Variants in TMEM101 observed in about 807,000 individuals in gnomAD.
TMEM101 encodes the protein putative NF-kappa-B-activating protein 130.
Under a neutral mutation model 26.0 loss-of-function variants are expected in TMEM101, and 14 were observed. That is an observed-to-expected ratio of 0.54 (90% CI 0.36 to 0.84). TMEM101 has a LOEUF of 0.84. Among genes scored for constraint, TMEM101 ranks in the 40% least tolerant of loss-of-function variants. TMEM101 has a pLI of 0.01. For synonymous variants in TMEM101, 152 were observed against 145.1 expected (o/e 1.05, Z -0.34); for missense variants, 292 against 345.1 (o/e 0.85, Z 1.22).
chr17:44,016,866 G>A (rs1457147309), upstream of TMEM101, among the ~76,000 whole-genome samples: 1 of 152,190 alleles, frequency 6.6e-6, no homozygotes, highest in Non-Finnish European at 1.5e-5. Context: ...TGGGCGCGGT[G>A]GCTAACGCCT....
chr17:44,017,939 C>G (rs1567948641), upstream of TMEM101, among the ~76,000 whole-genome samples: 1 of 151,880 alleles, frequency 6.6e-6, no homozygotes, highest in African/African-American at 2.4e-5. Flanking sequence ...TCGAGACCAG[C>G]CTGGCCAACA....
Position 44,012,045 on chromosome 17 carries a change from A to T in TMEM101, c.657T>A (p.Asp219Glu). ...VLLPPVMLLIDGNVAYWHNTR... is the reference protein window; with the variant it reads ...VLLPPVMLLIEGNVAYWHNTR... ...TGTTGTGCCAGTAAGCAACATTGCC[A>T]TCAATGAGCAGCATGACAGGGGGCA... Residue 219 changes from aspartate (D) to glutamate (E), a missense_variant, in exon 4 of 4, where the codon GAT becomes GAA. Physicochemically the swap from Asp to Glu is conservative, Grantham distance 45 (BLOSUM62 2). Transcript: ENST00000206380. 1 of 1,614,214 alleles carries T rather than the reference A, an allele frequency of 6.2e-7. No homozygotes were observed. Among genetic ancestry groups the T allele is most frequent in the Non-Finnish European group, 8.5e-7 (1 of 1,180,042 alleles).
chr17:44,012,272 G>A, intron 3 of TMEM101, 36 bp from the exon 4 acceptor site: 4 of 1,565,750 alleles, frequency 2.6e-6, no homozygotes, highest in Non-Finnish European at 3.5e-6. Context: ...TCTCCAACAG[G>A]CTCAGAAGCC....
chr17:44,016,124 C>T (rs552033715), upstream of TMEM101, among the ~76,000 whole-genome samples: 24 of 150,310 alleles, frequency 1.6e-4, no homozygotes, highest in African/African-American at 5.4e-4. Flanking sequence ...TAGATACACA[C>T]GCACACACAC....
chr17:44,013,052 T>G lies in TMEM101; in HGVS notation c.422A>C (p.Gln141Pro). 6.2e-7 allele frequency: 1 copy of G among 1,609,282 alleles called. No homozygotes were observed. The highest frequency in any genetic ancestry group is 8.5e-7 in the Non-Finnish European group (1 of 1,176,312). ...ACCCAGGAACACCTGGCCGGTGGACTGCAGGGAGCGGCTGCGAGGTTTCCG... is the reference window on the plus strand; with the variant it reads ...ACCCAGGAACACCTGGCCGGTGGACGGCAGGGAGCGGCTGCGAGGTTTCCG... ...YRRKPRSRSL[Q>P]STGQVFLGIY... The change falls in exon 3 of 4, where the codon CAG becomes CCG. Residue 141 changes from glutamine to proline, a missense_variant. Gln to Pro is a moderately conservative substitution (Grantham distance 76). Coordinates refer to ENST00000206380, the MANE Select transcript of TMEM101 (RefSeq NM_032376.4).
Position 44,020,924 on chromosome 17 carries a change from T to C in TMEM101, c.-210+398A>G, listed in dbSNP as rs558210724. Among the ~76,000 whole-genome samples the C allele has an allele frequency of 5.9e-5, 9 of 152,296 alleles. No individual in the cohort carries two copies. In the East Asian group the frequency reaches 1.4e-3, roughly 23 times the overall value. On this transcript the variant is annotated intron_variant, in intron 2 of 4. Coordinates refer to the TMEM101 transcript ENST00000585950. ...ATGAACTCATTCTCAGCCTCAGACATGGTGATCCAGGTGCTGATTACTAGC... is the reference window on the plus strand; with the variant it reads ...ATGAACTCATTCTCAGCCTCAGACACGGTGATCCAGGTGCTGATTACTAGC...
intron 1 of TMEM101, chr17:44,022,995 T>C (rs1010723623): frequency 4.5e-6 from 1 of 220,044 alleles, no homozygotes; most frequent in Admixed American, 5.9e-5. Flanking sequence ...CAAATTGCAA[T>C]AGGAAGGGGA....
In TMEM101 at chr17:44,014,477, A is replaced by G; in HGVS notation, c.198T>C (p.Ala66=). ...GCTTCACGCCAAAGGACATGAAACT[A>G]GCGCACAGCACGGCTGCCCCCATGT... ...YFDMGAAVLC[A]SFMSFGVKRR... is the part of the protein sequence containing the mutation. The change falls in exon 2 of 4, where the codon GCT becomes GCC. Residue 66 remains alanine, a synonymous_variant. Coordinates refer to ENST00000206380, the MANE Select transcript of TMEM101 (RefSeq NM_032376.4). 1 of 1,565,196 alleles carries G rather than the reference A, an allele frequency of 6.4e-7. No homozygotes were observed.
chr17:44,016,814 C>T (rs1463446821), upstream of TMEM101, among the ~76,000 whole-genome samples: 3 of 152,080 alleles, frequency 2.0e-5, no homozygotes, highest in African/African-American at 7.2e-5. Flanking sequence ...AGGATGCCCT[C>T]AGGAAATATG....
chr17:44,012,565 T>A, intron 3 of TMEM101: 1 of 396,666 alleles, frequency 2.5e-6, no homozygotes, highest in Non-Finnish European at 4.5e-6. Flanking sequence ...CCTAATGGCC[T>A]GGCGCCTGTC....
At chr17:44,013,214 TCCCAGAG>T in intron 2 of TMEM101, 59 bp from the exon 3 acceptor site, 2 of 1,463,290 alleles carry the variant, frequency 1.4e-6, no homozygotes, top group South Asian at 1.4e-5. Flanking sequence ...TCTCCTGGCT[TCCCAGAG>T]TGTAGAACCA....
chr17:44,016,108 T>C (rs1418623221), upstream of TMEM101, among the ~76,000 whole-genome samples: 3 of 151,444 alleles, frequency 2.0e-5, no homozygotes, highest in African/African-American at 4.9e-5. Context: ...GATAGATAGA[T>C]AGATATAGAT....
Position 44,013,118 on chromosome 17 carries a change from C to T in TMEM101, c.356G>A (p.Gly119Asp). The T allele has an allele frequency of 6.2e-7, 1 of 1,606,624 alleles. No individual in the cohort carries two copies. The highest frequency in any genetic ancestry group is 8.5e-7 in the Non-Finnish European group (1 of 1,174,516). ...MYSRTVAIIG[G>D]FLVLASGAGE... The stretch of plus-strand genomic sequence containing the variant: ...AGCACCGCTGGCCAACACAAGAAAG[C>T]CGCCGATGATGGCAACTGTGCGCGA... The change falls in exon 3 of 4, where the codon GGC (glycine) becomes GAC (aspartate). Residue 119 changes from glycine to aspartate, a missense_variant. Coordinates refer to ENST00000206380, the MANE Select transcript of TMEM101 (RefSeq NM_032376.4).
chr17:44,013,386 G>A (rs528632238), intron 2 of TMEM101, among the ~76,000 whole-genome samples: 2 of 152,272 alleles, frequency 1.3e-5, no homozygotes, highest in South Asian at 4.1e-4. Context: ...CTGGCCAGGC[G>A]CAGTGGCTCA....
chr17:44,013,224 T>TTC, intron 2 of TMEM101, 69 bp from the exon 3 acceptor site: 1 of 1,401,126 alleles, frequency 7.1e-7, no homozygotes, highest in South Asian at 1.6e-5. Context: ...TCCCAGAGTG[T>TTC]AGAACCACCC....
rs1315871346 is a variant in TMEM101 at position 44,014,910 on chromosome 17, T to G, written c.43A>C (p.Ile15Leu). The change falls in exon 1 of 4, where the codon ATC (isoleucine) becomes CTC (leucine). Residue 15 changes from isoleucine (I) to leucine (L), a missense_variant. Transcript: ENST00000206380. Reference protein sequence around the residue: ...IGSRRWMLQLIMQLGSVLLTR... With the variant: ...IGSRRWMLQLLMQLGSVLLTR... Reference sequence around the variant, plus strand: ...AGCAGCACCGAACCCAACTGCATGATCAGCTGCAACATCCACCGTCTCGAA... The same window carrying G: ...AGCAGCACCGAACCCAACTGCATGAGCAGCTGCAACATCCACCGTCTCGAA... The G allele has an allele frequency of 1.2e-6, 2 of 1,613,852 alleles. No individual in the cohort carries two copies. The highest frequency in any genetic ancestry group is 1.7e-6 in the Non-Finnish European group (2 of 1,179,938).
rs1002954394 is a variant in TMEM101, at chr17:44,014,304, C to G, written c.318+53G>C. 8.5e-6 allele frequency: 13 copies of G among 1,524,222 alleles called. 1 individual carries two copies. The highest frequency in any genetic ancestry group is 2.1e-4 in the Middle Eastern group (1 of 4,712). The allele number at this position is 1,524,222 out of a possible 1,614,324, so 94.4% of individuals were successfully genotyped here. A position where few individuals can be genotyped will look rare whatever the true frequency, so the allele number is the denominator to read the frequency against. On this transcript the variant is annotated intron_variant, in intron 2 of 3. Coordinates refer to ENST00000206380, the MANE Select transcript of TMEM101 (RefSeq NM_032376.4). The stretch of plus-strand genomic sequence containing the variant: ...CCCACCAACAGCCCTGGGCATTGGC[C>G]TCTGATTCCCCGTCACCCAGAGGGA...
intron 3 of TMEM101, 159 bp downstream of exon 3, chr17:44,012,850 T>C: frequency 1.4e-6 from 1 of 732,376 alleles, no homozygotes; most frequent in Non-Finnish European, 2.0e-6. Context: ...GGAGGGCCCC[T>C]GAGGCCTAGA....
chr17:44,013,211 G>A, intron 2 of TMEM101, 56 bp from the exon 3 acceptor site: 1 of 1,454,914 alleles, frequency 6.9e-7, no homozygotes, highest in Non-Finnish European at 9.2e-7. Context: ...ATCTCTCCTG[G>A]CTTCCCAGAG....
Sources: allele counts gnomAD v4.1 joint callset (sites outside exome capture counted in the v4.1 genomes callset), GRCh38; gene constraint gnomAD v4.1.1; transcripts MANE v1.5; gene names NCBI Gene and HGNC (gene_info 2026-07-23, HGNC 2026-07-21).